Variants in ARFGEF1 observed in about 807,000 individuals in gnomAD.
ARFGEF1 encodes brefeldin A-inhibited guanine nucleotide-exchange protein 1.
Under a neutral mutation model 231.0 loss-of-function variants are expected in ARFGEF1, and 42 were observed. That is an observed-to-expected ratio of 0.18 (90% CI 0.14 to 0.24). The LOEUF is 0.24. Among genes scored for constraint, ARFGEF1 ranks in the 10% least tolerant of loss-of-function variants. The pLI is 1.00. For missense variants in ARFGEF1, 1,345 were observed against 2,192.0 expected (o/e 0.61, Z 7.72); for synonymous variants, 710 against 732.3 (o/e 0.97, Z 0.49).
At chr8:67,187,792 T>C (rs765271934) in intron 5 of ARFGEF1, among the ~76,000 whole-genome samples, 18 of 152,340 alleles carry the variant, frequency 1.2e-4, no homozygotes, top group East Asian at 1.9e-4. Context: ...GGAGAAAAGA[T>C]AGTCTTCTCT....
intron 7 of ARFGEF1, among the ~76,000 whole-genome samples, chr8:67,283,017 A>C (rs2128904277): frequency 6.6e-6 from 1 of 152,202 alleles, no homozygotes; most frequent in East Asian, 1.9e-4. Flanking sequence ...AATAGGCAAA[A>C]GACAAGAATA....
At chr8:67,217,456 AT>A (rs905173137) in intron 32 of ARFGEF1, among the ~76,000 whole-genome samples, 46 of 149,408 alleles carry the variant, frequency 3.1e-4, no homozygotes, top group South Asian at 1.3e-3. Context: ...ACAGGCTGAG[AT>A]TTTTTTTTTT....
Position 67,180,144 on chromosome 8 carries a change from A to G in ARFGEF1, c.561-4572T>C, listed in dbSNP as rs377722862. Among the ~76,000 whole-genome samples the G allele has an allele frequency of 2.0e-5, 3 of 152,232 alleles. No homozygotes were observed. The South Asian group carries it at 6.2e-4, about 31-fold the overall frequency. Reference sequence around the variant, plus strand: ...TTAGGAATAGTTGACAAACCTGTACATGAATGTTCGTAACAGCCTCATTTC... The same window carrying G: ...TTAGGAATAGTTGACAAACCTGTACGTGAATGTTCGTAACAGCCTCATTTC... On this transcript the variant is annotated intron_variant, in intron 5 of 5. Transcript: ENST00000518789.
chr8:67,192,076 T>TG (rs1836456001), intron 5 of ARFGEF1, among the ~76,000 whole-genome samples: 1 of 146,544 alleles, frequency 6.8e-6, no homozygotes, highest in African/African-American at 2.5e-5. Context: ...GTTTTTTTTT[T>TG]TGTTTTTTTT....
intron 14 of ARFGEF1, among the ~76,000 whole-genome samples, chr8:67,262,261 A>G (rs981999521): frequency 1.3e-5 from 2 of 152,228 alleles, no homozygotes; most frequent in Non-Finnish European, 2.9e-5. Flanking sequence ...AGTCCAAGAC[A>G]TCAGGGGAGG....
intron 29 of ARFGEF1, among the ~76,000 whole-genome samples, chr8:67,221,914 A>C (rs1367122211): frequency 6.6e-6 from 1 of 151,142 alleles, no homozygotes; most frequent in African/African-American, 2.4e-5. Context: ...CCCAGGTTCA[A>C]GCCATTTTCC....
At chr8:67,179,729 TAGTC>T in intron 5 of ARFGEF1, 2 of 605,592 alleles carry the variant, frequency 3.3e-6, no homozygotes, top group Non-Finnish European at 5.9e-6. Flanking sequence ...CATTGGAATG[TAGTC>T]AGTCCTACCT....
chr8:67,341,557 A>G (rs1049273618), intron 1 of ARFGEF1, among the ~76,000 whole-genome samples: 1 of 152,134 alleles, frequency 6.6e-6, no homozygotes, highest in African/African-American at 2.4e-5. Flanking sequence ...TGATTGTGTC[A>G]CTGCGCTTCA....
At chr8:67,339,219 T>C (rs1313413346) in intron 1 of ARFGEF1, among the ~76,000 whole-genome samples, 1 of 152,256 alleles carries the variant, frequency 6.6e-6, no homozygotes, top group East Asian at 1.9e-4. Flanking sequence ...CCTAACAATT[T>C]TGTCTCCATT....
At chr8:67,257,045 T>G in intron 17 of ARFGEF1, among the ~76,000 whole-genome samples, 1 of 151,864 alleles carries the variant, frequency 6.6e-6, no homozygotes, top group East Asian at 1.9e-4. Flanking sequence ...TACATTAGAG[T>G]TCATTACGCT....
At chr8:67,177,542 C>A in intron 5 of ARFGEF1, 1 of 601,490 alleles carries the variant, frequency 1.7e-6, no homozygotes, top group East Asian at 2.8e-5. Context: ...TAAGTGATAT[C>A]TTTAAAATAC....
chr8:67,282,823 C>T (rs1445080166), intron 7 of ARFGEF1, among the ~76,000 whole-genome samples: 1 of 143,342 alleles, frequency 7.0e-6, no homozygotes, highest in Non-Finnish European at 1.5e-5. Context: ...ACTCCAGCCT[C>T]GATGATAGAG....
At chr8:67,240,590 C>T (rs1023277797) in intron 19 of ARFGEF1, among the ~76,000 whole-genome samples, 4 of 151,960 alleles carry the variant, frequency 2.6e-5, no homozygotes, top group Non-Finnish European at 4.4e-5. Context: ...TAGTTTTACC[C>T]GACTTCAGAA....
chr8:67,284,608 T>C (rs1273341930), intron 7 of ARFGEF1, among the ~76,000 whole-genome samples: 5 of 152,218 alleles, frequency 3.3e-5, no homozygotes, highest in Non-Finnish European at 5.9e-5. Flanking sequence ...TGGCATCTTG[T>C]TGGGGATCTG....
chr8:67,177,231 TA>T (rs1278756421), intron 5 of ARFGEF1, among the ~76,000 whole-genome samples: 1 of 152,094 alleles, frequency 6.6e-6, no homozygotes, highest in Non-Finnish European at 1.5e-5. Flanking sequence ...CAGGAACACA[TA>T]GGAAGGCTGG....
Position 67,211,585 on chromosome 8 carries a change from G to T in ARFGEF1, c.4717C>A (p.His1573Asn). 6.5e-7 allele frequency: 1 copy of T among 1,540,784 alleles called. No individual in the cohort carries two copies. Residue 1573 changes from histidine to asparagine, a missense_variant, in exon 34 of 39, where the codon CAT becomes AAT. Around this residue, in one of 14 missense-constraint regions of ARFGEF1, gnomAD observed 89 missense variants for 74.8 expected, o/e 1.19. Coordinates refer to ENST00000262215, the MANE Select transcript of ARFGEF1 (RefSeq NM_006421.5). ...DTISQKSVDI[H>N]DSIQPRSVDN... is the part of the protein sequence containing the mutation. Reference sequence around the variant, plus strand: ...ACAGACCTTGGTTGAATAGAATCATGAATATCTACAGACTTCTGTGATATT... The same window carrying T: ...ACAGACCTTGGTTGAATAGAATCATTAATATCTACAGACTTCTGTGATATT...
downstream of ARFGEF1, chr8:67,193,485 GC>G (rs780113316): frequency 6.2e-7 from 1 of 1,613,252 alleles, no homozygotes; most frequent in Non-Finnish European, 8.5e-7. Context: ...TCCTAATGTA[GC>G]ACCAGATGGT....
chr8:67,338,689 GAACA>G (rs1808458890), intron 1 of ARFGEF1, among the ~76,000 whole-genome samples: 2 of 152,090 alleles, frequency 1.3e-5, no homozygotes, highest in African/African-American at 4.8e-5. Context: ...TGAAAGAAAA[GAACA>G]AATACAAATA....
chr8:67,341,866 GA>G (rs1447732130), intron 1 of ARFGEF1, among the ~76,000 whole-genome samples: 1 of 151,826 alleles, frequency 6.6e-6, no homozygotes, highest in Non-Finnish European at 1.5e-5. Context: ...TAAGTAAGGT[GA>G]AAAAATAATC....
Sources: gnomAD v4.1 joint callset for allele counts (sites outside exome capture counted in the v4.1 genomes callset) on GRCh38, gnomAD v4.1.1 for gene constraint, gnomAD v4.1.1 regional missense constraint, MANE v1.5 for transcripts, NCBI Gene and HGNC (gene_info 2026-07-23, HGNC 2026-07-21) for gene names.